PCDH7: variants seen among roughly 807,000 people sequenced by gnomAD.
The protein encoded by PCDH7 is protocadherin-7.
Under a neutral mutation model 58.9 loss-of-function variants are expected in PCDH7, and 17 were observed. That is an observed-to-expected ratio of 0.29 (90% CI 0.20 to 0.43). The LOEUF is 0.43. Ranked by LOEUF, PCDH7 falls within the 20% of genes least tolerant of loss-of-function variation. The probability of loss-of-function intolerance (pLI) is 1.00; values close to 1 mark genes in which losing one functional copy is unlikely to be tolerated. For missense variants in PCDH7, 1,274 were observed against 1,441.0 expected, an observed-to-expected ratio of 0.88 and a Z score of 1.88; for synonymous variants, 664 against 616.4, an observed-to-expected ratio of 1.08 and a Z score of -1.14.
intron 2 of PCDH7, among the ~76,000 whole-genome samples, chr4:30,930,738 C>T (rs2109425630): frequency 6.6e-6 from 1 of 151,992 alleles, no homozygotes. Flanking sequence ...TCCAGACTCG[C>T]CTGGGCAACA....
intron 1 of PCDH7, among the ~76,000 whole-genome samples, chr4:30,888,722 G>T (rs576777828): frequency 3.3e-4 from 50 of 152,210 alleles, no homozygotes; most frequent in African/African-American, 1.0e-3. Flanking sequence ...TTGTTTCCCG[G>T]TAACTGGGAA....
chr4:31,091,714 A>G (rs1471737848), intron 3 of PCDH7, among the ~76,000 whole-genome samples: 1 of 152,006 alleles, frequency 6.6e-6, no homozygotes, highest in Non-Finnish European at 1.5e-5. Context: ...AGGAACATTT[A>G]CTGAACCAAA....
intron 3 of PCDH7, among the ~76,000 whole-genome samples, chr4:31,089,948 G>C (rs983104106): frequency 6.6e-6 from 1 of 152,040 alleles, no homozygotes; most frequent in Non-Finnish European, 1.5e-5. Context: ...AAGATTTTTA[G>C]AGTGGCTTGT....
intron 3 of PCDH7, among the ~76,000 whole-genome samples, chr4:31,125,590 ATTT>A (rs1718206217): frequency 6.6e-6 from 1 of 152,134 alleles, no homozygotes; most frequent in African/African-American, 2.4e-5. Context: ...CAATTTTTGA[ATTT>A]TTATCTTTTA....
At chr4:30,963,910 T>C (rs1321818607) in intron 3 of PCDH7, among the ~76,000 whole-genome samples, 2 of 152,342 alleles carry the variant, frequency 1.3e-5, no homozygotes, top group East Asian at 3.9e-4. Flanking sequence ...TATTTTTACA[T>C]GGATGAACCA....
chr4:31,092,512 C>T (rs1351075285), intron 3 of PCDH7, among the ~76,000 whole-genome samples: 7 of 151,966 alleles, frequency 4.6e-5, no homozygotes, highest in Admixed American at 4.6e-4. Context: ...TGGTTCTTAA[C>T]TGATGTGAGG....
intron 3 of PCDH7, among the ~76,000 whole-genome samples, chr4:30,996,481 C>T (rs774345506): frequency 1.3e-5 from 2 of 152,120 alleles, no homozygotes; most frequent in Non-Finnish European, 2.9e-5. Context: ...CAAAGCCAAA[C>T]AAAGGAAAGA....
intron 3 of PCDH7, among the ~76,000 whole-genome samples, chr4:31,137,584 A>AAAAAT (rs1163285433): frequency 2.0e-5 from 3 of 152,336 alleles, no homozygotes; most frequent in Non-Finnish European, 4.4e-5. Context: ...ACCCTTCTCG[A>AAAAAT]AAAATAAAAT....
chr4:30,942,597 A>T (rs1162690468), intron 2 of PCDH7, among the ~76,000 whole-genome samples: 1 of 152,054 alleles, frequency 6.6e-6, no homozygotes, highest in Non-Finnish European at 1.5e-5. Flanking sequence ...CCTAGCATGG[A>T]GAAAAGTCCT....
At chr4:31,055,536 C>T (rs935943401) in intron 3 of PCDH7, among the ~76,000 whole-genome samples, 2 of 152,004 alleles carry the variant, frequency 1.3e-5, no homozygotes, top group Admixed American at 1.3e-4. Context: ...ATACTAGGTC[C>T]TAGAGTTGAG....
chr4:30,898,727 A>T (rs1739784514), intron 1 of PCDH7, among the ~76,000 whole-genome samples: 1 of 152,164 alleles, frequency 6.6e-6, no homozygotes, highest in African/African-American at 2.4e-5. Context: ...AGTAGCTGGG[A>T]CTACAGGCGC....
chr4:31,013,279 A>T (rs1753332454), intron 3 of PCDH7, among the ~76,000 whole-genome samples: 1 of 139,834 alleles, frequency 7.2e-6, no homozygotes, highest in South Asian at 2.6e-4. Context: ...TTTAATGAAG[A>T]CTATGTGTAC....
At chr4:31,089,033 A>G (rs1020700075) in intron 3 of PCDH7, among the ~76,000 whole-genome samples, 22 of 151,914 alleles carry the variant, frequency 1.4e-4, no homozygotes, top group Admixed American at 1.2e-3. Flanking sequence ...TGACTGTTTC[A>G]GGCATGCTAT....
At chr4:31,069,087 T>C (rs946929647) in intron 3 of PCDH7, among the ~76,000 whole-genome samples, 3 of 151,982 alleles carry the variant, frequency 2.0e-5, no homozygotes, top group Admixed American at 2.0e-4. Context: ...AAATAGCTGT[T>C]ATGTTCGAGC....
At chr4:31,023,750 T>C (rs1007270533) in intron 3 of PCDH7, among the ~76,000 whole-genome samples, 2 of 152,164 alleles carry the variant, frequency 1.3e-5, no homozygotes, top group Middle Eastern at 3.2e-3. Context: ...AGAATGATTG[T>C]ACATAAAAGC....
At chr4:30,744,084 G>A (rs921181978) in intron 1 of PCDH7, among the ~76,000 whole-genome samples, 4 of 152,034 alleles carry the variant, frequency 2.6e-5, no homozygotes, top group Non-Finnish European at 5.9e-5. Context: ...TCTTTCCTCA[G>A]TGGCATCCTG....
At chr4:31,101,028 A>G (rs1318929343) in intron 3 of PCDH7, among the ~76,000 whole-genome samples, 3 of 152,158 alleles carry the variant, frequency 2.0e-5, no homozygotes, top group East Asian at 1.9e-4. Context: ...TACACAAAAG[A>G]CTGCACAGGA....
intron 1 of PCDH7, among the ~76,000 whole-genome samples, chr4:30,864,758 G>A (rs1328986499): frequency 6.6e-6 from 1 of 152,052 alleles, no homozygotes. Flanking sequence ...GGTCCAATGT[G>A]TAAACATCTC....
intron 1 of PCDH7, among the ~76,000 whole-genome samples, chr4:30,793,002 G>T (rs1465555140): frequency 6.6e-6 from 1 of 152,080 alleles, no homozygotes. Context: ...GATTGTTAAA[G>T]TTATGTAATT....
Sources: gnomAD v4.1 joint callset for allele counts (sites outside exome capture counted in the v4.1 genomes callset) on GRCh38, gnomAD v4.1.1 for gene constraint, MANE v1.5 for transcripts, NCBI Gene and HGNC (gene_info 2026-07-23, HGNC 2026-07-21) for gene names.